Variants in SLC35B4 observed in about 807,000 individuals in gnomAD.
The protein encoded by SLC35B4 is solute carrier family 35 member B4, also known as nucleotide sugar transporter SLC35B4.
A neutral mutation model predicts 39.5 loss-of-function variants in SLC35B4; 28 were observed. The observed-to-expected ratio is 0.71, with a 90% CI of 0.53 to 0.97. The LOEUF is 0.97. Among genes scored for constraint, SLC35B4 ranks in the 50% least tolerant of loss-of-function variants. The pLI, the probability that SLC35B4 is intolerant of heterozygous loss-of-function variation, is 0.00. For missense variants in SLC35B4, 334 were observed against 414.3 expected (o/e 0.81, Z 1.68); for synonymous variants, 145 against 150.4 (o/e 0.96, Z 0.26).
intron 6 of SLC35B4, 86 bp from the exon 7 acceptor site, chr7:134,300,347 T>C: frequency 2.2e-6 from 2 of 918,766 alleles, no homozygotes; most frequent in East Asian, 2.5e-5. Context: ...TTTAAAGTCC[T>C]GCAAATATTA....
intron 4 of SLC35B4, among the ~76,000 whole-genome samples, chr7:134,303,811 TC>T (rs1421756322): frequency 6.6e-6 from 1 of 152,120 alleles, no homozygotes; most frequent in African/African-American, 2.4e-5. Flanking sequence ...ACATCCTTCC[TC>T]CTTAGGAGTG....
intron 3 of SLC35B4, 67 bp from the exon 4 acceptor site, chr7:134,304,921 G>A: frequency 1.6e-6 from 2 of 1,229,754 alleles, no homozygotes; most frequent in South Asian, 2.5e-5. Context: ...TAATTCGAGA[G>A]AATAGGAACA....
chr7:134,311,475 G>A (rs756500974), intron 1 of SLC35B4, among the ~76,000 whole-genome samples: 1 of 152,160 alleles, frequency 6.6e-6, no homozygotes. Context: ...GGCCAACATG[G>A]TGAAACCCAT....
rs1049936367 is a variant in SLC35B4 at position 134,291,869 on chromosome 7, A to G, written c.*2964T>C. On this transcript the variant is annotated 3_prime_UTR_variant, in exon 10 of 10. Coordinates refer to ENST00000378509, the MANE Select transcript of SLC35B4 (RefSeq NM_032826.5). ...TATGACAATAGAGTTTTGGCCAAAG[A>G]TATGTAGACATTAAGCTAATACAAT... 1 of 152,246 alleles carries G rather than the reference A, an allele frequency of 6.6e-6. No homozygotes were observed. The highest frequency in any genetic ancestry group is 6.5e-5 in the Admixed American group (1 of 15,288). 9.4% of individuals were successfully genotyped at this position (152,246 alleles called of 1,614,324 possible).
At chr7:134,303,451 C>A (rs913311543) in intron 4 of SLC35B4, among the ~76,000 whole-genome samples, 1 of 142,774 alleles carries the variant, frequency 7.0e-6, no homozygotes, top group African/African-American at 2.7e-5. Context: ...ATGTAATAAA[C>A]CTGACCATCA....
In SLC35B4 at chr7:134,316,875, C is replaced by T. The variant is rs1405361957; in HGVS notation, c.-124G>A. 2 of 909,760 alleles carry T rather than the reference C, an allele frequency of 2.2e-6. No individual in the cohort carries two copies. The highest frequency in any genetic ancestry group is 2.7e-5 in the East Asian group (1 of 36,402). The allele number at this position is 909,760 out of a possible 1,614,324, so 56.4% of individuals were successfully genotyped here. On this transcript the variant is annotated 5_prime_UTR_variant, in exon 1 of 10. Transcript: ENST00000378509. ...TCGCACCGTCCTGGAAAGCCGCTCTCACTGGGGGCCGCCGCGGTCTCCCCT... is the reference window on the plus strand; with the variant it reads ...TCGCACCGTCCTGGAAAGCCGCTCTTACTGGGGGCCGCCGCGGTCTCCCCT...
chr7:134,301,905 C>T, intron 5 of SLC35B4, 84 bp from the exon 6 acceptor site: 1 of 1,496,092 alleles, frequency 6.7e-7, no homozygotes, highest in Non-Finnish European at 9.3e-7. Context: ...TTATGTTACC[C>T]ATTTCCCTCC....
chr7:134,297,199 G>A (rs1350940794), intron 8 of SLC35B4, among the ~76,000 whole-genome samples: 4 of 152,190 alleles, frequency 2.6e-5, no homozygotes, highest in Non-Finnish European at 5.9e-5. Context: ...GGGACTACAG[G>A]CTTGAGCCAC....
At position 134,300,155 on chromosome 7, in the gene SLC35B4, A is replaced by G; in HGVS notation, c.594T>C (p.Tyr198=). ...FGKHSKEALF[Y]NHALPLPGFV... ...CCAGGTTCAGGAAGTTGCTTACATT[A>G]TAAAACAAAGCCTCCTTGGAGTGTT... is the stretch of plus-strand genomic sequence containing the variant. Residue 198 remains tyrosine (Y), a synonymous_variant, in exon 7 of 10, where the codon TAT becomes TAC. Coordinates refer to ENST00000378509, the MANE Select transcript of SLC35B4 (RefSeq NM_032826.5). The G allele has an allele frequency of 6.2e-7, 1 of 1,600,666 alleles. No homozygotes were observed. The highest frequency in any genetic ancestry group is 8.5e-7 in the Non-Finnish European group (1 of 1,174,800).
In SLC35B4 at chr7:134,304,281, C is replaced by T. The variant is rs1755651325; in HGVS notation, c.344+524G>A. 5.3e-5 allele frequency among the ~76,000 whole-genome samples: 8 copies of T among 152,000 alleles called. No homozygotes were observed. In the South Asian group the frequency reaches 1.7e-3, roughly 32 times the overall value. On this transcript the variant is annotated intron_variant, in intron 4 of 9. Coordinates refer to ENST00000378509, the MANE Select transcript of SLC35B4 (RefSeq NM_032826.5). ...TGGCACATGCCTTTGGTCCCAGCTA[C>T]TTGGGAGGCTGAGGTGGGAGGATCA... is the stretch of plus-strand genomic sequence containing the variant.
At chr7:134,298,657 C>T (rs1803518980) in intron 8 of SLC35B4, among the ~76,000 whole-genome samples, 1 of 152,224 alleles carries the variant, frequency 6.6e-6, no homozygotes, top group South Asian at 2.1e-4. Context: ...CAGAGCCTTA[C>T]AAACTCTTAC....
upstream of SLC35B4, chr7:134,317,051 G>T (rs956965399): frequency 2.7e-6 from 1 of 370,070 alleles, no homozygotes; most frequent in East Asian, 5.0e-5. Flanking sequence ...TCCCGCTTCC[G>T]CCAGGCAGCT....
intron 1 of SLC35B4, among the ~76,000 whole-genome samples, chr7:134,315,883 T>C (rs1372280744): frequency 1.3e-5 from 2 of 152,130 alleles, no homozygotes; most frequent in Non-Finnish European, 2.9e-5. Flanking sequence ...TGGAGGCTTT[T>C]CCACACCACC....
At chr7:134,297,891 AC>A (rs1803502149) in intron 8 of SLC35B4, among the ~76,000 whole-genome samples, 1 of 152,042 alleles carries the variant, frequency 6.6e-6, no homozygotes, top group South Asian at 2.1e-4. Context: ...AAAGACACAT[AC>A]ACACACACAC....
chr7:134,308,138 G>A (rs1803752187), intron 2 of SLC35B4, among the ~76,000 whole-genome samples: 1 of 152,164 alleles, frequency 6.6e-6, no homozygotes, highest in African/African-American at 2.4e-5. Context: ...ATGGTTATGA[G>A]GGCAAGATCA....
rs1413261228 is a variant in SLC35B4 at position 134,290,191 on chromosome 7, C to T, written c.*4642G>A. 4 of 152,256 alleles carry T rather than the reference C, an allele frequency of 2.6e-5. No homozygotes were observed. Among genetic ancestry groups the T allele is most frequent in the African/African-American group, 9.6e-5 (4 of 41,458 alleles). The allele number at this position is 152,256 out of a possible 1,614,324, so 9.4% of individuals were successfully genotyped here. ...GGTGCTAACTACATAATACTCTTCC[C>T]TTCTACCACCAGGCAATCCAGAGCC... On this transcript the variant is annotated 3_prime_UTR_variant, in exon 10 of 10. Coordinates refer to ENST00000378509, the MANE Select transcript of SLC35B4 (RefSeq NM_032826.5).
intron 8 of SLC35B4, among the ~76,000 whole-genome samples, chr7:134,298,987 G>GT (rs1222076725): frequency 6.6e-6 from 1 of 152,210 alleles, no homozygotes; most frequent in African/African-American, 2.4e-5. Context: ...AGTTTAAAAA[G>GT]TAACAGCTAA....
rs1449219234 is a variant in SLC35B4 at position 134,309,410 on chromosome 7, G to A, written c.147C>T (p.Leu49=). The change falls in exon 2 of 10, where the codon CTC becomes CTT. Residue 49 remains leucine (L), a synonymous_variant. Coordinates refer to ENST00000378509, the MANE Select transcript of SLC35B4 (RefSeq NM_032826.5). ...GCTTCCTTCCCAAATCAGCTTCAAA[G>A]AGGAAGCCTTCCACAGCAATAAATA... ...QFLFIAVEGF[L]FEADLGRKPP... is the part of the protein sequence containing the mutation. The A allele has an allele frequency of 6.2e-7, 1 of 1,611,542 alleles. No homozygotes were observed. The highest frequency in any genetic ancestry group is 1.7e-4 in the Middle Eastern group (1 of 6,050).
chr7:134,315,654 A>AAAAC (rs1554485516), intron 1 of SLC35B4, among the ~76,000 whole-genome samples: 7 of 142,214 alleles, frequency 4.9e-5, no homozygotes, highest in African/African-American at 1.7e-4. Context: ...AAAAAAAAAC[A>AAAAC]AAAAACAAAA....
Sources: allele counts gnomAD v4.1 joint callset (sites outside exome capture counted in the v4.1 genomes callset), GRCh38; gene constraint gnomAD v4.1.1; transcripts MANE v1.5; gene names NCBI Gene and HGNC (gene_info 2026-07-23, HGNC 2026-07-21).